PDE4B: variants seen among roughly 807,000 people sequenced by gnomAD.
PDE4B encodes phosphodiesterase 4B.
A neutral mutation model predicts 82.2 loss-of-function variants in PDE4B; 20 were observed. The ratio of observed to expected loss-of-function variants is 0.24; its 90% confidence interval spans 0.17 to 0.35. The LOEUF (loss-of-function observed/expected upper bound fraction) is 0.35, where lower values mean the gene tolerates loss of function less well. Among genes scored for constraint, PDE4B ranks in the 10% least tolerant of loss-of-function variants. The pLI is 1.00. For synonymous variants in PDE4B, 320 were observed against 318.9 expected, an observed-to-expected ratio of 1.00 and a Z score of -0.04; for missense variants, 655 against 907.2, an observed-to-expected ratio of 0.72 and a Z score of 3.57.
At chr1:65,936,276 T>A (rs187121897) in intron 3 of PDE4B, among the ~76,000 whole-genome samples, 70 of 152,070 alleles carry the variant, frequency 4.6e-4, no homozygotes, top group African/African-American at 1.6e-3. Context: ...TACAGTTAAC[T>A]TTTTTTTAAT....
In PDE4B at chr1:65,834,688, T is replaced by C. The variant is rs575695596; in HGVS notation, c.-71+41440T>C. Among the ~76,000 whole-genome samples the C allele has an allele frequency of 5.9e-5, 9 of 152,312 alleles. No homozygotes were observed. The South Asian group carries it at 1.0e-3, about 18-fold the overall frequency. The stretch of plus-strand genomic sequence containing the variant: ...AAATATGGGAACTGACAGAGGCTTA[T>C]ATATAGCCACGTCTTCATGTCTAAA... On this transcript the variant is annotated intron_variant, in intron 1 of 16. Coordinates refer to ENST00000341517, the MANE Select transcript of PDE4B (RefSeq NM_002600.4).
chr1:66,128,832 G>T (rs2101102125), intron 3 of PDE4B, among the ~76,000 whole-genome samples: 1 of 152,244 alleles, frequency 6.6e-6, no homozygotes, highest in Non-Finnish European at 1.5e-5. Context: ...AAGTGAAAGG[G>T]AAAACCCCTT....
At chr1:66,281,127 T>G (rs1320010743) in intron 7 of PDE4B, among the ~76,000 whole-genome samples, 1 of 152,206 alleles carries the variant, frequency 6.6e-6, no homozygotes, top group Non-Finnish European at 1.5e-5. Flanking sequence ...ATTACTAAAC[T>G]AAACCTACTG....
chr1:66,233,456 T>G (rs902253601), intron 3 of PDE4B, among the ~76,000 whole-genome samples: 1 of 152,218 alleles, frequency 6.6e-6, no homozygotes, highest in Non-Finnish European at 1.5e-5. Context: ...GACTATTATA[T>G]CATCTATTAA....
intron 3 of PDE4B, among the ~76,000 whole-genome samples, chr1:66,027,657 A>T (rs539337156): frequency 6.6e-6 from 1 of 152,334 alleles, no homozygotes; most frequent in Admixed American, 6.5e-5. Context: ...TCCTAGATAC[A>T]ATGGAGGTAC....
intron 3 of PDE4B, among the ~76,000 whole-genome samples, chr1:66,137,006 C>T (rs1436961643): frequency 1.3e-5 from 2 of 151,994 alleles, no homozygotes; most frequent in Admixed American, 6.6e-5. Flanking sequence ...GCTATCCTTG[C>T]AAGGAAATCC....
At chr1:66,216,990 A>G (rs1650512863) in intron 3 of PDE4B, among the ~76,000 whole-genome samples, 1 of 152,184 alleles carries the variant, frequency 6.6e-6, no homozygotes, top group Non-Finnish European at 1.5e-5. Context: ...GAGATCAAAT[A>G]AAGCCTCGAA....
chr1:66,275,936 C>T (rs572899076), intron 7 of PDE4B, among the ~76,000 whole-genome samples: 4 of 152,204 alleles, frequency 2.6e-5, no homozygotes, highest in South Asian at 2.1e-4. Context: ...TTTCCTACCC[C>T]CTGTCTGGCT....
At chr1:66,306,875 G>T (rs1260855145) in intron 7 of PDE4B, among the ~76,000 whole-genome samples, 1 of 152,168 alleles carries the variant, frequency 6.6e-6, no homozygotes, top group Non-Finnish European at 1.5e-5. Flanking sequence ...GAATAATTGT[G>T]TGGTGCTGTG....
intron 3 of PDE4B, among the ~76,000 whole-genome samples, chr1:66,093,517 A>G (rs963570673): frequency 7.2e-5 from 11 of 151,966 alleles, no homozygotes; most frequent in African/African-American, 2.4e-4. Flanking sequence ...TCTTCTGTGC[A>G]GTAACTTGGG....
Position 66,272,779 on chromosome 1 carries a change from C to CTTTTTTTTTT in PDE4B, c.634+6708_634+6717dup, listed in dbSNP as rs869201227. On this transcript the variant is annotated intron_variant, in intron 7 of 16. Coordinates refer to ENST00000341517, the MANE Select transcript of PDE4B (RefSeq NM_002600.4). ...CAGCTTCCATTCTGGTACTAGAATT[C>CTTTTTTTTTT]TTTTTTTTTTTTTTTTTTTTTTTTT... Among the ~76,000 whole-genome samples, 7 of 61,666 alleles carry CTTTTTTTTTT rather than the reference C, an allele frequency of 1.1e-4. 1 individual carries two copies. The highest frequency in any genetic ancestry group is 1.9e-4 in the Non-Finnish European group (7 of 36,140). The allele number at this position is 61,666 out of a possible 152,430, so 40.5% of individuals were successfully genotyped here. A position where few individuals can be genotyped will look rare whatever the true frequency, so the allele number is the denominator to read the frequency against.
At chr1:65,819,596 G>C (rs2101235137) in intron 1 of PDE4B, among the ~76,000 whole-genome samples, 1 of 151,536 alleles carries the variant, frequency 6.6e-6, no homozygotes, top group East Asian at 1.9e-4. Context: ...CCGCCTCCCG[G>C]GTTCACGCTA....
intron 3 of PDE4B, among the ~76,000 whole-genome samples, chr1:65,919,366 C>T (rs1268067404): frequency 2.0e-5 from 3 of 152,114 alleles, no homozygotes; most frequent in Non-Finnish European, 4.4e-5. Context: ...TGTGCAGAGT[C>T]TATATTTGTG....
At chr1:66,251,013 T>C (rs770642460) in intron 4 of PDE4B, among the ~76,000 whole-genome samples, 11 of 152,214 alleles carry the variant, frequency 7.2e-5, no homozygotes, top group African/African-American at 9.7e-5. Context: ...ATAATCCACT[T>C]AAATTTAAAA....
chr1:66,300,859 T>G (rs932199306), intron 7 of PDE4B, among the ~76,000 whole-genome samples: 3 of 152,214 alleles, frequency 2.0e-5, no homozygotes, highest in Non-Finnish European at 2.9e-5. Context: ...CTATTCTTCA[T>G]AGATGGCCTA....
intron 9 of PDE4B, 105 bp downstream of exon 9, chr1:66,355,725 T>C (rs1374202296): frequency 1.7e-6 from 1 of 580,806 alleles, no homozygotes; most frequent in Non-Finnish European, 3.1e-6. Context: ...TGGAGTTGAG[T>C]CATAGAAAAA....
chr1:66,095,804 T>C (rs2101005009), intron 3 of PDE4B, among the ~76,000 whole-genome samples: 1 of 152,080 alleles, frequency 6.6e-6, no homozygotes, highest in Admixed American at 6.6e-5. Context: ...AGCTTCACCT[T>C]CAAGTGTGGG....
intron 3 of PDE4B, among the ~76,000 whole-genome samples, chr1:65,920,966 T>C (rs1052548912): frequency 3.0e-5 from 4 of 131,638 alleles, no homozygotes; most frequent in Non-Finnish European, 6.5e-5. Flanking sequence ...TTTCTTTTTT[T>C]TTTTTTTTTT....
Position 66,186,232 on chromosome 1 carries a change from CT to C in PDE4B, c.282-61227del, listed in dbSNP as rs141166940. ...TACCAGCACCATGCTGTTTTGGTTA[CT>C]GTAGCCTCATTGTATAATTTGAAGT... On this transcript the variant is annotated intron_variant, in intron 3 of 16. Transcript: ENST00000341517. Among the ~76,000 whole-genome samples, 522 of 152,300 alleles carry C rather than the reference CT, an allele frequency of 3.4e-3. 1 individual carries two copies. Among genetic ancestry groups the C allele is most frequent in the African/African-American group, 0.012 (488 of 41,574 alleles).
Sources: gnomAD v4.1 joint callset for allele counts (sites outside exome capture counted in the v4.1 genomes callset) on GRCh38, gnomAD v4.1.1 for gene constraint, MANE v1.5 for transcripts, NCBI Gene and HGNC (gene_info 2026-07-23, HGNC 2026-07-21) for gene names.